Variants in NTM observed in about 807,000 individuals in gnomAD.
The protein encoded by NTM is neurotrimin.
NTM carries 13 observed loss-of-function variants against 42.1 expected under a neutral mutation model. The ratio of observed to expected loss-of-function variants is 0.31; its 90% CI spans 0.20 to 0.49. NTM has a LOEUF of 0.49. Among genes scored for constraint, NTM ranks in the 20% least tolerant of loss-of-function variants. The pLI is 0.99. For synonymous variants in NTM, 187 were observed against 179.2 expected, an observed-to-expected ratio of 1.04 and a Z score of -0.35; for missense variants, 373 against 452.8, an observed-to-expected ratio of 0.82 and a Z score of 1.60.
intron 1 of NTM, among the ~76,000 whole-genome samples, chr11:131,903,090 GT>G (rs1414450689): frequency 6.6e-6 from 1 of 151,520 alleles, no homozygotes; most frequent in Non-Finnish European, 1.5e-5. Flanking sequence ...GTGGGAAGAG[GT>G]AGATACAGGA....
At chr11:132,197,753 C>CT (rs2080499054) in intron 3 of NTM, among the ~76,000 whole-genome samples, 1 of 149,376 alleles carries the variant, frequency 6.7e-6, no homozygotes, top group African/African-American at 2.5e-5. Context: ...GCGGTGTTTG[C>CT]TTTTTTGTCC....
At chr11:131,456,443 A>G (rs1950899094) in intron 1 of NTM, among the ~76,000 whole-genome samples, 1 of 152,032 alleles carries the variant, frequency 6.6e-6, no homozygotes, top group African/African-American at 2.4e-5. Flanking sequence ...CTGAGCTGGG[A>G]CTGCCCTCCC....
intron 1 of NTM, chr11:131,660,624 G>C (rs140835333): frequency 5.8e-4 from 265 of 457,362 alleles, no homozygotes; most frequent in African/African-American, 4.9e-3. Context: ...TGATCTCTGG[G>C]TCTGTGCACC....
At chr11:131,976,167 C>CCTTT (rs1271245391) in intron 2 of NTM, among the ~76,000 whole-genome samples, 5 of 97,874 alleles carry the variant, frequency 5.1e-5, no homozygotes, top group African/African-American at 1.0e-4. Context: ...TTTCTTCCTT[C>CCTTT]CTTCCTTTCT....
chr11:131,380,081 T>C (rs1591508249), intron 1 of NTM, among the ~76,000 whole-genome samples: 1 of 152,272 alleles, frequency 6.6e-6, no homozygotes, highest in East Asian at 1.9e-4. Flanking sequence ...TTCCTGTTGC[T>C]CCCTCTGTAA....
At chr11:131,400,614 G>C (rs905904165) in intron 1 of NTM, among the ~76,000 whole-genome samples, 1 of 152,156 alleles carries the variant, frequency 6.6e-6, no homozygotes, top group Admixed American at 6.5e-5. Context: ...GATGGGCATT[G>C]TCGACATGGA....
chr11:132,080,206 G>T (rs1386946964), intron 2 of NTM, among the ~76,000 whole-genome samples: 1 of 151,862 alleles, frequency 6.6e-6, no homozygotes, highest in Non-Finnish European at 1.5e-5. Flanking sequence ...AAAAATCAAT[G>T]CCCCCTGGCC....
intron 1 of NTM, among the ~76,000 whole-genome samples, chr11:131,624,928 T>C (rs2062953577): frequency 6.6e-6 from 1 of 152,222 alleles, no homozygotes; most frequent in Non-Finnish European, 1.5e-5. Flanking sequence ...TGCATTCATA[T>C]ACCTAAAGCA....
chr11:131,536,088 T>A (rs2052151760), intron 1 of NTM: 1 of 152,306 alleles, frequency 6.6e-6, no homozygotes, highest in East Asian at 1.9e-4. Flanking sequence ...TTTAACCGTA[T>A]CTTCCCTAAG....
At chr11:131,865,151 T>C (rs550193957) in intron 1 of NTM, among the ~76,000 whole-genome samples, 2 of 152,330 alleles carry the variant, frequency 1.3e-5, no homozygotes, top group East Asian at 1.9e-4. Context: ...CAGGTATTAG[T>C]ATCCCCATTT....
In NTM at chr11:132,146,347, G is replaced by C; in HGVS notation, c.233G>C (p.Gly78Ala). ...WLNRSTILYA[G>A]NDKWCLDPRV... ...AACCGCAGCACCATCCTCTATGCTGGGAATGACAAGTGGTGCCTGGATCCT... is the reference window on the plus strand; with the variant it reads ...AACCGCAGCACCATCCTCTATGCTGCGAATGACAAGTGGTGCCTGGATCCT... The change falls in exon 3 of 9, where the codon GGG (glycine) becomes GCG (alanine). Residue 78 changes from glycine to alanine, a missense_variant. Around this residue, in one of 3 missense-constraint regions of NTM, gnomAD observed 312 missense variants for 353.5 expected, o/e 0.88. Transcript: ENST00000683400. This position sits in a 1 kb window ranked among gnomAD's most constrained non-coding sequence, Gnocchi z 4.5. 3.1e-6 allele frequency: 5 copies of C among 1,614,166 alleles called. No individual in the cohort carries two copies. Among genetic ancestry groups the C allele is most frequent in the Non-Finnish European group, 4.2e-6 (5 of 1,180,026 alleles).
At chr11:131,915,991 C>T (rs185571900) in intron 2 of NTM, among the ~76,000 whole-genome samples, 64 of 152,314 alleles carry the variant, frequency 4.2e-4, no homozygotes, top group African/African-American at 1.4e-3. Flanking sequence ...TGTGGAAAGG[C>T]GTACGGCCTG....
intron 2 of NTM, among the ~76,000 whole-genome samples, chr11:132,085,279 C>T (rs1396830024): frequency 6.6e-6 from 1 of 152,122 alleles, no homozygotes; most frequent in East Asian, 1.9e-4. Context: ...TATAATGGTA[C>T]TTCTTAGCAA....
At chr11:131,981,352 C>T (rs993698142) in intron 2 of NTM, 7 of 152,176 alleles carry the variant, frequency 4.6e-5, no homozygotes, top group African/African-American at 1.7e-4. Flanking sequence ...TCTGTTTGAC[C>T]ACATGGCTTT....
intron 1 of NTM, among the ~76,000 whole-genome samples, chr11:131,874,036 T>TATTATATATATATATAATAATATAATATA (rs1565659507): frequency 5.5e-4 from 6 of 10,998 alleles, no homozygotes; most frequent in Admixed American, 1.9e-3. Flanking sequence ...ATATAATATA[T>TATTATATATATATATAATAATATAATATA]ATATATATAT....
At chr11:131,560,007 G>T (rs541097695) in intron 1 of NTM, among the ~76,000 whole-genome samples, 2 of 152,176 alleles carry the variant, frequency 1.3e-5, no homozygotes, top group African/African-American at 4.8e-5. Flanking sequence ...ACTCAAATTC[G>T]ACTGTTTTGA....
intron 2 of NTM, among the ~76,000 whole-genome samples, chr11:132,011,132 A>G (rs1297862058): frequency 6.6e-6 from 1 of 152,016 alleles, no homozygotes; most frequent in Non-Finnish European, 1.5e-5. Flanking sequence ...AATTAGGTCT[A>G]CAATTTGTAA....
intron 6 of NTM, 119 bp downstream of exon 6, chr11:132,310,351 C>A: frequency 1.1e-6 from 1 of 952,350 alleles, no homozygotes; most frequent in Non-Finnish European, 1.5e-6. Context: ...GAACTTATCT[C>A]TATAGGGGGC....
intron 1 of NTM, among the ~76,000 whole-genome samples, chr11:131,626,401 G>A (rs1415078226): frequency 1.3e-5 from 2 of 152,144 alleles, no homozygotes; most frequent in African/African-American, 4.8e-5. Context: ...TGGGTAAAGA[G>A]TTCTATTTTG....
Sources: allele counts gnomAD v4.1 joint callset (sites outside exome capture counted in the v4.1 genomes callset), GRCh38; gene constraint gnomAD v4.1.1; regional missense constraint gnomAD v4.1.1; non-coding constraint Gnocchi (gnomAD v3.1); transcripts MANE v1.5; gene names NCBI Gene and HGNC (gene_info 2026-07-23, HGNC 2026-07-21).